NOMO1: variants seen among roughly 807,000 people sequenced by gnomAD.
NOMO1 encodes the protein nodal modulator 3.
In NOMO1, 40 loss-of-function variants were observed where a neutral mutation model predicts 133.8. That is an observed-to-expected ratio of 0.30 (90% CI 0.23 to 0.39). The LOEUF is 0.39. NOMO1 is among the 10% of genes least tolerant of loss of function. The pLI is 1.00. For missense variants in NOMO1, 462 were observed against 1,419.9 expected (o/e 0.33, Z 10.84); for synonymous variants, 236 against 570.5 (o/e 0.41, Z 8.36).
chr16:14,846,913 C>T (rs1488716044), intron 5 of NOMO1, among the ~76,000 whole-genome samples: 1 of 149,454 alleles, frequency 6.7e-6, no homozygotes, highest in African/African-American at 2.4e-5. Context: ...TTCATACTGG[C>T]CAGGCATATT....
chr16:14,890,428 TTTA>T (rs990038731), intron 29 of NOMO1, among the ~76,000 whole-genome samples: 17 of 150,990 alleles, frequency 1.1e-4, no homozygotes, highest in African/African-American at 4.1e-4. Context: ...GAATAAGAAC[TTTA>T]TTGTTTTCAA....
chr16:14,873,372 G>C (rs1024233932), intron 18 of NOMO1, among the ~76,000 whole-genome samples: 3 of 132,842 alleles, frequency 2.3e-5, no homozygotes, highest in Non-Finnish European at 3.4e-5. Context: ...GTGGAGGCAG[G>C]GGGAGGCAAT....
In NOMO1 at chr16:14,882,745, C is replaced by T; in HGVS notation, c.3111+68C>T. 1.6e-5 allele frequency: 26 copies of T among 1,610,482 alleles called. No homozygotes were observed. The South Asian group carries it at 2.9e-4, about 18-fold the overall frequency. On this transcript the variant is annotated intron_variant, in intron 26 of 30. Coordinates refer to ENST00000287667, the MANE Select transcript of NOMO1 (RefSeq NM_014287.4). ...TCCCTGATCAGAAGTCCTCCCGTCT[C>T]CTCTGGCTGTCTGCCTTTCATCTGT...
intron 18 of NOMO1, among the ~76,000 whole-genome samples, chr16:14,874,759 A>G (rs71222994): frequency 1.9e-4 from 29 of 152,000 alleles, no homozygotes; most frequent in African/African-American, 4.8e-4. Context: ...AGAAAACTCC[A>G]TGTCCTACAT....
chr16:14,864,642 C>T lies in NOMO1; in HGVS notation c.1453C>T (p.Pro485Ser). 6.2e-7 allele frequency: 1 copy of T among 1,613,030 alleles called. No individual in the cohort carries two copies. The highest frequency in any genetic ancestry group is 1.1e-5 in the South Asian group (1 of 91,048). The change falls in exon 13 of 31, where the codon CCT becomes TCT. Residue 485 changes from proline to serine, a missense_variant. Transcript: ENST00000287667. ...AGLTLKPQTF[P>S]LTVTNRPMMD... The stretch of plus-strand genomic sequence containing the variant: ...GCTGACGTTGAAACCCCAGACATTT[C>T]CTCTTACTGTGACCAACAGGCCCAT...
chr16:14,887,400 T>C (rs2083935917), intron 28 of NOMO1, among the ~76,000 whole-genome samples: 1 of 151,816 alleles, frequency 6.6e-6, no homozygotes, highest in Non-Finnish European at 1.5e-5. Flanking sequence ...TTCACACCAT[T>C]CTCCTGCCTC....
intron 11 of NOMO1, among the ~76,000 whole-genome samples, chr16:14,860,528 G>A (rs1217533524): frequency 6.6e-6 from 1 of 151,898 alleles, no homozygotes; most frequent in African/African-American, 2.4e-5. Flanking sequence ...TGGTTGTCTG[G>A]AGGAGATATG....
At chr16:14,849,896 C>CTTTTTTTTT (rs1171906105) in intron 6 of NOMO1, among the ~76,000 whole-genome samples, 11 of 87,922 alleles carry the variant, frequency 1.3e-4, no homozygotes, top group African/African-American at 4.2e-4. Context: ...CAGATACAGT[C>CTTTTTTTTT]TTTTTTTTTT....
chr16:14,884,852 C>T (rs1295450315), intron 27 of NOMO1, among the ~76,000 whole-genome samples: 5 of 151,956 alleles, frequency 3.3e-5, no homozygotes, highest in South Asian at 2.1e-4. Flanking sequence ...GAGTGGAGGT[C>T]GTATTAAATG....
intron 6 of NOMO1, among the ~76,000 whole-genome samples, chr16:14,850,722 A>G (rs1238505157): frequency 1.3e-5 from 2 of 151,782 alleles, no homozygotes; most frequent in Non-Finnish European, 2.9e-5. Flanking sequence ...TCACACCTAG[A>G]TTCTCTTCTT....
intron 29 of NOMO1, among the ~76,000 whole-genome samples, chr16:14,894,207 C>T (rs1714527150): frequency 6.6e-6 from 1 of 151,976 alleles, no homozygotes; most frequent in Non-Finnish European, 1.5e-5. Context: ...AGCTCCAAGG[C>T]GTCAGGGGAC....
At chr16:14,887,255 T>G (rs1964339291) in intron 28 of NOMO1, among the ~76,000 whole-genome samples, 1 of 152,010 alleles carries the variant, frequency 6.6e-6, no homozygotes, top group African/African-American at 2.4e-5. Flanking sequence ...TGCTTTTCAA[T>G]GAAGAATTTA....
intron 6 of NOMO1, among the ~76,000 whole-genome samples, chr16:14,850,023 C>G (rs1332958926): frequency 6.6e-6 from 1 of 151,106 alleles, no homozygotes; most frequent in Admixed American, 6.6e-5. Flanking sequence ...CTTGGCTTCC[C>G]AAGGATCTGG....
chr16:14,854,406 C>T (rs1481842778), intron 9 of NOMO1, among the ~76,000 whole-genome samples: 1 of 111,988 alleles, frequency 8.9e-6, no homozygotes, highest in African/African-American at 3.4e-5. Context: ...ACGATCTCAT[C>T]TCACTGCAGC....
intron 12 of NOMO1, 142 bp downstream of exon 12, chr16:14,863,329 AGAG>A (rs1222831190): frequency 7.0e-7 from 1 of 1,424,894 alleles, no homozygotes; most frequent in African/African-American, 1.5e-5. Flanking sequence ...CTGCACCAGT[AGAG>A]GAGAGTCAGA....
intron 1 of NOMO1, among the ~76,000 whole-genome samples, chr16:14,836,986 T>C (rs1211519001): frequency 2.0e-5 from 3 of 151,678 alleles, no homozygotes; most frequent in Admixed American, 6.6e-5. Context: ...ATTACAGGCG[T>C]GAGCCACCGC....
chr16:14,862,168 T>C (rs1350864789), intron 11 of NOMO1, among the ~76,000 whole-genome samples: 1 of 151,826 alleles, frequency 6.6e-6, no homozygotes, highest in African/African-American at 2.4e-5. Flanking sequence ...AGTAACTAAT[T>C]TTTATCTAAA....
Position 14,883,058 on chromosome 16 carries a change from C to T in NOMO1, c.3111+381C>T, listed in dbSNP as rs538358881. Reference sequence around the variant, plus strand: ...ATCTTAGGTTCAGATGACCTTTTTCCTGCTCCCATTTTGTGGGCAGAGTCT... The same window carrying T: ...ATCTTAGGTTCAGATGACCTTTTTCTTGCTCCCATTTTGTGGGCAGAGTCT... On this transcript the variant is annotated intron_variant, in intron 26 of 30. Coordinates refer to ENST00000287667, the MANE Select transcript of NOMO1 (RefSeq NM_014287.4). Among the ~76,000 whole-genome samples, 11 of 152,164 alleles carry T rather than the reference C, an allele frequency of 7.2e-5. No homozygotes were observed. The South Asian group carries it at 2.3e-3, about 32-fold the overall frequency.
chr16:14,894,840 G>C (rs1242141724), intron 29 of NOMO1, among the ~76,000 whole-genome samples, 158 bp from the exon 30 acceptor site: 5 of 152,254 alleles, frequency 3.3e-5, no homozygotes. Context: ...AATCACTTTG[G>C]TTCCTTCCTT....
Sources: gnomAD v4.1 joint callset for allele counts (sites outside exome capture counted in the v4.1 genomes callset) on GRCh38, gnomAD v4.1.1 for gene constraint, MANE v1.5 for transcripts, NCBI Gene and HGNC (gene_info 2026-07-23, HGNC 2026-07-21) for gene names.